UBA7: variants seen among roughly 807,000 people sequenced by gnomAD.
UBA7 encodes ubiquitin like modifier activating enzyme 7.
In UBA7, 88 loss-of-function variants were observed where a neutral mutation model predicts 113.0. The observed-to-expected ratio is 0.78, with a 90% CI of 0.66 to 0.93. The LOEUF is 0.93. Ranked by LOEUF, UBA7 falls within the 40% of genes least tolerant of loss-of-function variation. The probability of loss-of-function intolerance (pLI) is 0.00; values close to 1 mark genes in which losing one functional copy is unlikely to be tolerated. For missense variants in UBA7, 1,092 were observed against 1,266.4 expected (o/e 0.86, Z 2.09); for synonymous variants, 459 against 513.0 (o/e 0.89, Z 1.42).
chr3:49,805,464 T>C (rs1395921694), intron 23 of UBA7, 27 bp from the exon 24 acceptor site: 5 of 1,608,778 alleles, frequency 3.1e-6, no homozygotes, highest in South Asian at 1.1e-5. Flanking sequence ...TAGGGGAGAT[T>C]GGAGAGGTGA....
In UBA7 at chr3:49,808,103, T is replaced by C; in HGVS notation, c.2440A>G (p.Ser814Gly). The change falls in exon 20 of 24, where the codon AGC becomes GGC. Residue 814 changes from serine to glycine, a missense_variant. By Grantham distance (56) the Ser-to-Gly change is moderately conservative. Around this residue, in one of 3 missense-constraint regions of UBA7, gnomAD observed 500 missense variants for 529.3 expected, o/e 0.94. Transcript: ENST00000333486. ...ACCACAAAGTCCACATGGAAGTTGCTGTCATCATCCTGTAAGGCCCAAGTC... is the reference window on the plus strand; with the variant it reads ...ACCACAAAGTCCACATGGAAGTTGCCGTCATCATCCTGTAAGGCCCAAGTC... ...KPLMFEKDDDSNFHVDFVVAA... is the reference protein window; with the variant it reads ...KPLMFEKDDDGNFHVDFVVAA... The C allele has an allele frequency of 1.2e-6, 2 of 1,614,056 alleles. No homozygotes were observed. The highest frequency in any genetic ancestry group is 1.7e-6 in the Non-Finnish European group (2 of 1,179,972).
intron 18 of UBA7, 64 bp from the exon 19 acceptor site, chr3:49,808,532 C>A: frequency 6.5e-7 from 1 of 1,543,904 alleles, no homozygotes. Context: ...TCTTGGAGCC[C>A]TGTGCCTATT....
Position 49,807,403 on chromosome 3 carries a change from T to C in UBA7, c.2715+333A>G, listed in dbSNP as rs569401748. Among the ~76,000 whole-genome samples the C allele has an allele frequency of 6.6e-6, 1 of 152,282 alleles. No individual in the cohort carries two copies. Among genetic ancestry groups the C allele is most frequent in the East Asian group, 1.9e-4 (1 of 5,176 alleles). ...GAAGCTAGACTCTTTCTGGGGCTGA[T>C]GCCCTGGTCCCCTCCCCACTACCTA... On this transcript the variant is annotated intron_variant, in intron 21 of 23. Coordinates refer to ENST00000333486, the MANE Select transcript of UBA7 (RefSeq NM_003335.3). This position sits in a 1 kb window ranked among gnomAD's most constrained non-coding sequence, Gnocchi z 4.0.
Position 49,813,924 on chromosome 3 carries a change from G to T in UBA7, c.-137C>A. ...CAAGGCCAAGCGAATAAGGGACGCT[G>T]CTGGTCACAGCTCTCTTCCTGGAGA... is the stretch of plus-strand genomic sequence containing the variant. On this transcript the variant is annotated 5_prime_UTR_variant, in exon 1 of 24. Transcript: ENST00000333486. The T allele has an allele frequency of 1.1e-6, 1 of 883,380 alleles. No homozygotes were observed. Among genetic ancestry groups the T allele is most frequent in the Non-Finnish European group, 1.8e-6 (1 of 569,036 alleles). The allele number at this position is 883,380 out of a possible 1,614,324, so 54.7% of individuals were successfully genotyped here.
At chr3:49,808,677 C>T (rs911425292) in intron 18 of UBA7, among the ~76,000 whole-genome samples, 1 of 152,214 alleles carries the variant, frequency 6.6e-6, no homozygotes, top group African/African-American at 2.4e-5. Context: ...ACCCTGTCCT[C>T]ACCTGCAGGC....
chr3:49,811,038 G>A lies in UBA7; in HGVS notation c.1176C>T (p.Leu392=), dbSNP rs745347958. 13 of 1,613,934 alleles carry A rather than the reference G, an allele frequency of 8.1e-6. No individual in the cohort carries two copies. The highest frequency in any genetic ancestry group is 1.1e-5 in the Non-Finnish European group (13 of 1,180,000). The stretch of plus-strand genomic sequence containing the variant: ...GCTCCCCATCTTCCGGAAGACAATC[G>A]AGGGCATCAAAGTAAAGCCACTGGT... ...PLDQWLYFDA[L]DCLPEDGELL... is the part of the protein sequence containing the mutation. Residue 392 remains leucine, a synonymous_variant, in exon 10 of 24, where the codon CTC becomes CTT. Transcript: ENST00000333486.
Position 49,812,473 on chromosome 3 carries a change from GT to G in UBA7, c.628del (p.Thr210LeufsTer53). The G allele has an allele frequency of 6.2e-7, 1 of 1,614,230 alleles. No homozygotes were observed. The highest frequency in any genetic ancestry group is 8.5e-7 in the Non-Finnish European group (1 of 1,180,048). ...AACCATTCCCTCAATTCCCGAGAAA[GT>G]CACCAAGTCTCCATCACGGAAGTAG... is the stretch of plus-strand genomic sequence containing the variant. ...THYFRDGDLV[T>X]FSGIEGMVEL... On this transcript the variant is annotated frameshift_variant, in exon 6 of 24. Coordinates refer to ENST00000333486, the MANE Select transcript of UBA7 (RefSeq NM_003335.3). LOFTEE classifies it high-confidence loss of function.
chr3:49,808,355 C>T (rs2081488920), intron 19 of UBA7, 31 bp downstream of exon 19: 3 of 1,613,636 alleles, frequency 1.9e-6, no homozygotes, highest in Non-Finnish European at 2.5e-6. Context: ...AACTCCCCAG[C>T]CCCACTCCTC....
intron 17 of UBA7, 44 bp downstream of exon 17, chr3:49,809,346 G>C (rs761311016): frequency 1.2e-6 from 2 of 1,603,972 alleles, no homozygotes; most frequent in Non-Finnish European, 1.7e-6. Flanking sequence ...CTGCTCTGAG[G>C]GGCCACATCT....
Position 49,806,161 on chromosome 3 carries a change from T to C in UBA7, c.2720A>G (p.His907Arg), listed in dbSNP as rs750091684. Residue 907 changes from histidine (H) to arginine (R), a missense_variant, in exon 22 of 24, where the codon CAT (histidine) becomes CGT (arginine). Transcript: ENST00000333486. Reference protein sequence around the residue: ...MPFAPAIQTFHHLKWTSWDRL... With the variant: ...MPFAPAIQTFRHLKWTSWDRL... ...GTCCCAAGAGGTCCACTTCAGGTGA[T>C]GGAACTGGGATGAGGTAGAGGAGGA... The C allele has an allele frequency of 5.0e-6, 8 of 1,596,574 alleles. No homozygotes were observed. The highest frequency in any genetic ancestry group is 6.8e-6 in the Non-Finnish European group (8 of 1,172,118).
rs61754209 is a variant in UBA7 at position 49,812,415 on chromosome 3, G to A, written c.687C>T (p.His229=). Residue 229 remains histidine, a synonymous_variant, in exon 6 of 24, where the codon CAC becomes CAT. Coordinates refer to ENST00000333486, the MANE Select transcript of UBA7 (RefSeq NM_003335.3). Reference sequence around the variant, plus strand: ...GGAATGGGATTGGCTTACCCCGCACGTGGATAGACCGGGGATCACAGTCGT... The same window carrying A: ...GGAATGGGATTGGCTTACCCCGCACATGGATAGACCGGGGATCACAGTCGT... ...ELNDCDPRSI[H]VREDGSLEIG... 6.8e-4 allele frequency: 1,101 copies of A among 1,614,226 alleles called. 1 individual carries two copies. Among genetic ancestry groups the A allele is most frequent in the Non-Finnish European group, 8.5e-4 (1,005 of 1,180,036 alleles).
intron 21 of UBA7, 171 bp from the exon 22 acceptor site, chr3:49,806,336 T>TCCAGG (rs2081452638): frequency 4.8e-6 from 3 of 628,932 alleles, no homozygotes; most frequent in Admixed American, 5.8e-5. Flanking sequence ...CCCCTCCCCG[T>TCCAGG]CCAGGCCGGG....
In UBA7 at chr3:49,813,514, G is replaced by T. The variant is rs367885025; in HGVS notation, c.190C>A (p.Pro64Thr). The change falls in exon 2 of 24, where the codon CCC becomes ACC. Residue 64 changes from proline (P) to threonine (T), a missense_variant. Physicochemically the swap from Pro to Thr is conservative, Grantham distance 38. Transcript: ENST00000333486. Reference protein sequence around the residue: ...MGVGSLTLHDPHPTCWSDLAA... With the variant: ...MGVGSLTLHDTHPTCWSDLAA... ...AGGTCGGACCAGCAGGTGGGGTGGG[G>T]ATCATGCAGAGTGAGGCTGCCCACA... is the stretch of plus-strand genomic sequence containing the variant. 48 of 1,613,868 alleles carry T rather than the reference G, an allele frequency of 3.0e-5. No homozygotes were observed. Among genetic ancestry groups the T allele is most frequent in the Middle Eastern group, 1.6e-4 (1 of 6,082 alleles).
Position 49,810,499 on chromosome 3 carries a change from AGAGGG to A in UBA7, c.1467+13_1467+17del. 6.2e-7 allele frequency: 1 copy of A among 1,614,036 alleles called. No homozygotes were observed. Among genetic ancestry groups the A allele is most frequent in the South Asian group, 1.1e-5 (1 of 91,072 alleles). ...GACGGTCTGGGATGCAGGAGTGTGG[AGAGGG>A]GTCAGCACTCACACCAACGTCCTGG... is the stretch of plus-strand genomic sequence containing the variant. On this transcript the variant is annotated intron_variant, in intron 12 of 23. Transcript: ENST00000333486. This position sits in a 1 kb window ranked among gnomAD's most constrained non-coding sequence, Gnocchi z 5.6.
In UBA7 at chr3:49,811,920, G is replaced by A. The variant is rs2081553986; in HGVS notation, c.889C>T (p.Leu297=). The change falls in exon 8 of 24, where the codon CTG becomes TTG. Residue 297 remains leucine, a synonymous_variant. Transcript: ENST00000333486. The stretch of plus-strand genomic sequence containing the variant: ...CCATGGAGGTGCTGGAACTTGTGCA[G>A]TGCACAGAAGGCCTGATGCAGGCAG... ...AHCLHQAFCA[L]HKFQHLHGRP... 1 of 1,614,088 alleles carries A rather than the reference G, an allele frequency of 6.2e-7. No homozygotes were observed. The highest frequency in any genetic ancestry group is 1.1e-5 in the South Asian group (1 of 91,086).
chr3:49,809,238 G>C, intron 17 of UBA7, 79 bp from the exon 18 acceptor site: 1 of 1,545,938 alleles, frequency 6.5e-7, no homozygotes, highest in South Asian at 1.2e-5. Flanking sequence ...ATCTGTTTGA[G>C]TGCCTGCCTT....
rs199933979 is a variant in UBA7, at chr3:49,810,494, T to C, written c.1467+23A>G. 1 of 1,613,516 alleles carries C rather than the reference T, an allele frequency of 6.2e-7. No individual in the cohort carries two copies. The highest frequency in any genetic ancestry group is 8.5e-7 in the Non-Finnish European group (1 of 1,179,848). On this transcript the variant is annotated intron_variant, in intron 12 of 23. Transcript: ENST00000333486. The surrounding 1 kb of genome is among the most constrained non-coding windows in gnomAD (Gnocchi z 5.6). ...GGGAGGACGGTCTGGGATGCAGGAG[T>C]GTGGAGAGGGGTCAGCACTCACACC...
Position 49,811,026 on chromosome 3 carries a change from C to T in UBA7, c.1188G>A (p.Pro396=), listed in dbSNP as rs36054445. 9.9e-5 allele frequency: 160 copies of T among 1,614,148 alleles called. No individual in the cohort carries two copies. In the African/African-American group the frequency reaches 1.6e-3, roughly 16 times the overall value. ...GACTGGGAAGGAGCTCCCCATCTTC[C>T]GGAAGACAATCGAGGGCATCAAAGT... ...WLYFDALDCL[P]EDGELLPSPE... is the part of the protein sequence containing the mutation. Residue 396 remains proline (P), a synonymous_variant, in exon 10 of 24, where the codon CCG becomes CCA. Coordinates refer to ENST00000333486, the MANE Select transcript of UBA7 (RefSeq NM_003335.3).
intron 21 of UBA7, among the ~76,000 whole-genome samples, chr3:49,806,867 G>A (rs1173268597): frequency 6.6e-6 from 1 of 152,102 alleles, no homozygotes; most frequent in African/African-American, 2.4e-5. Flanking sequence ...GACAAAGGCA[G>A]CCTGTATGCT....
Sources: gnomAD v4.1 joint callset for allele counts (sites outside exome capture counted in the v4.1 genomes callset) on GRCh38, gnomAD v4.1.1 for gene constraint, gnomAD v4.1.1 regional missense constraint, Gnocchi (gnomAD v3.1) non-coding constraint, MANE v1.5 for transcripts, NCBI Gene and HGNC (gene_info 2026-07-23, HGNC 2026-07-21) for gene names.